PTGER3: variants seen among roughly 807,000 people sequenced by gnomAD.
PTGER3 encodes the protein prostaglandin E receptor 3, also known as prostaglandin E2 receptor EP3 subtype.
PTGER3 carries 22 observed loss-of-function variants against 34.7 expected under a neutral mutation model. That is an observed-to-expected ratio of 0.63 (90% CI 0.45 to 0.91). The LOEUF (loss-of-function observed/expected upper bound fraction) is 0.91, where lower values mean the gene tolerates loss of function less well. Among genes scored for constraint, PTGER3 ranks in the 40% least tolerant of loss-of-function variants. The pLI, the probability that PTGER3 is intolerant of heterozygous loss-of-function variation, is 0.00. For missense variants in PTGER3, 468 were observed against 519.4 expected, an observed-to-expected ratio of 0.90 and a Z score of 0.96; for synonymous variants, 241 against 230.1, an observed-to-expected ratio of 1.05 and a Z score of -0.43.
intron 4 of PTGER3, among the ~76,000 whole-genome samples, chr1:70,900,301 TG>T (rs1646808159): frequency 6.6e-6 from 1 of 152,100 alleles, no homozygotes; most frequent in African/African-American, 2.4e-5. Context: ...GTGGTCAGGT[TG>T]TTGGAGTTGG....
At chr1:70,861,401 A>G (rs1331650246) in intron 4 of PTGER3, among the ~76,000 whole-genome samples, 3 of 152,156 alleles carry the variant, frequency 2.0e-5, no homozygotes, top group Admixed American at 2.0e-4. Context: ...AATCAGCACA[A>G]CCTGTAAATG....
chr1:70,897,310 C>T (rs1365150252), intron 4 of PTGER3, among the ~76,000 whole-genome samples: 2 of 152,156 alleles, frequency 1.3e-5, no homozygotes, highest in Non-Finnish European at 2.9e-5. Flanking sequence ...TCCATTCACT[C>T]ATTTATTCAT....
chr1:70,997,037 CGAG>C lies in PTGER3; in HGVS notation c.1077+15265_1077+15267del, dbSNP rs368844276. The C allele has an allele frequency of 5.4e-3, 819 of 152,280 alleles. 3 individuals are homozygous for C. Among genetic ancestry groups the C allele is most frequent in the Non-Finnish European group, 8.5e-3 (577 of 68,072 alleles). The allele number at this position is 152,280 out of a possible 1,614,324, so 9.4% of individuals were successfully genotyped here. ...GTGTAATCCCAGCACTTTGGGAAGC[CGAG>C]GAGGACAGATCAATTGAGGTTGGGA... On this transcript the variant is annotated intron_variant, in intron 2 of 3. Transcript: ENST00000306666.
At chr1:70,927,824 T>A (rs907555246) in intron 4 of PTGER3, among the ~76,000 whole-genome samples, 1 of 152,004 alleles carries the variant, frequency 6.6e-6, no homozygotes, top group Admixed American at 6.6e-5. Context: ...TCCAGATACA[T>A]CAAGTAAAAT....
chr1:71,030,284 A>T (rs1572977952), intron 1 of PTGER3, among the ~76,000 whole-genome samples: 1 of 152,186 alleles, frequency 6.6e-6, no homozygotes, highest in Non-Finnish European at 1.5e-5. Context: ...CCGTGGTCAC[A>T]CTGAGGTTCT....
intron 4 of PTGER3, among the ~76,000 whole-genome samples, chr1:70,878,277 C>G (rs7555874): frequency 6.6e-6 from 1 of 151,878 alleles, no homozygotes; most frequent in Non-Finnish European, 1.5e-5. Flanking sequence ...TCATCATAAT[C>G]TTTGAGGTGT....
rs1365332790 is a variant in PTGER3 at position 71,012,409 on chromosome 1, A to C, written c.973T>G (p.Cys325Gly). 6.2e-7 allele frequency: 1 copy of C among 1,614,060 alleles called. No homozygotes were observed. The highest frequency in any genetic ancestry group is 1.3e-5 in the African/African-American group (1 of 74,942). The stretch of plus-strand genomic sequence containing the variant: ...CGAACAGCTATTAAGAAGAAGTTGC[A>C]TTCTTTCTGCTTCTCCGTGTGTGTC... ...CKTHTEKQKE[C>G]NFFLIAVRLA... The change falls in exon 2 of 4, where the codon TGC becomes GGC. Residue 325 changes from cysteine to glycine, a missense_variant. By Grantham distance (159) the Cys-to-Gly change is radical. This residue lies in a region of PTGER3 where 204 missense variants were observed against 230.8 expected (regional missense o/e 0.88). Coordinates refer to ENST00000306666, the MANE Select transcript of PTGER3 (RefSeq NM_198719.2).
downstream of PTGER3, among the ~76,000 whole-genome samples, chr1:70,969,047 A>G (rs538098745): frequency 5.3e-5 from 8 of 152,042 alleles, no homozygotes; most frequent in South Asian, 1.7e-3. Context: ...TCTCTACTAA[A>G]AGTACAAAAA....
intron 4 of PTGER3, among the ~76,000 whole-genome samples, chr1:70,859,750 G>C (rs558421713): frequency 6.6e-6 from 1 of 152,182 alleles, no homozygotes; most frequent in East Asian, 1.9e-4. Flanking sequence ...TATTTAAAAA[G>C]TACTACTATT....
chr1:70,980,059 T>G (rs1290669225), intron 2 of PTGER3, among the ~76,000 whole-genome samples: 1 of 151,960 alleles, frequency 6.6e-6, no homozygotes, highest in Non-Finnish European at 1.5e-5. Flanking sequence ...AGTTGAGGTT[T>G]CATAAGGAAG....
chr1:71,028,361 A>G (rs1659122636), intron 1 of PTGER3, among the ~76,000 whole-genome samples: 1 of 152,198 alleles, frequency 6.6e-6, no homozygotes, highest in South Asian at 2.1e-4. Context: ...CTGTACTGCG[A>G]AAGAGAGATG....
downstream of PTGER3, among the ~76,000 whole-genome samples, chr1:70,966,424 A>G (rs996300600): frequency 1.3e-5 from 2 of 152,206 alleles, no homozygotes; most frequent in Non-Finnish European, 2.9e-5. Flanking sequence ...AATATAAAAA[A>G]AGAAGTTATT....
chr1:70,931,885 T>G (rs1334713144), intron 4 of PTGER3, among the ~76,000 whole-genome samples: 1 of 152,214 alleles, frequency 6.6e-6, no homozygotes, highest in African/African-American at 2.4e-5. Flanking sequence ...CCTTGCTACT[T>G]ATACAAATTT....
chr1:70,861,712 A>AT, intron 4 of PTGER3, among the ~76,000 whole-genome samples: 1 of 151,806 alleles, frequency 6.6e-6, no homozygotes, highest in East Asian at 1.9e-4. Flanking sequence ...AAAAAAAAAA[A>AT]CAAAAACTTC....
intron 4 of PTGER3, among the ~76,000 whole-genome samples, chr1:70,913,860 T>C (rs1647115489): frequency 6.6e-6 from 1 of 151,826 alleles, no homozygotes; most frequent in South Asian, 2.1e-4. Flanking sequence ...ATATATATTA[T>C]TGGATTTGGT....
chr1:70,925,129 C>T (rs912605355), intron 4 of PTGER3, among the ~76,000 whole-genome samples: 4 of 152,130 alleles, frequency 2.6e-5, no homozygotes, highest in Admixed American at 2.6e-4. Flanking sequence ...CTCAGCCTCC[C>T]GAGTAACTGG....
At chr1:70,897,118 A>G (rs1055929211) in intron 4 of PTGER3, among the ~76,000 whole-genome samples, 34 of 152,000 alleles carry the variant, frequency 2.2e-4, no homozygotes, top group Admixed American at 3.9e-4. Flanking sequence ...CAAACAGCCC[A>G]CCACTCAGCG....
At chr1:70,888,753 A>AT (rs61080121) in intron 4 of PTGER3, among the ~76,000 whole-genome samples, 227 of 149,990 alleles carry the variant, frequency 1.5e-3, no homozygotes, top group Middle Eastern at 3.5e-3. Flanking sequence ...GAATTTGGGG[A>AT]TTTTTTTTTT....
Position 70,898,359 on chromosome 1 carries a change from C to A in PTGER3, c.*24-45500G>T, listed in dbSNP as rs74089103. On this transcript the variant is annotated intron_variant, in intron 4 of 4. Coordinates refer to the PTGER3 transcript ENST00000370931. ...CAAGGTGGTAGATTCTTCTCCACAG[C>A]CTGCTCATCTCTACAGACATCACTC... Among the ~76,000 whole-genome samples, 350 of 152,272 alleles carry A rather than the reference C, an allele frequency of 2.3e-3. 1 individual carries two copies. The highest frequency in any genetic ancestry group is 6.8e-3 in the Middle Eastern group (2 of 292).
Sources: gnomAD v4.1 joint callset for allele counts (sites outside exome capture counted in the v4.1 genomes callset) on GRCh38, gnomAD v4.1.1 for gene constraint, gnomAD v4.1.1 regional missense constraint, MANE v1.5 for transcripts, NCBI Gene and HGNC (gene_info 2026-07-23, HGNC 2026-07-21) for gene names.